Variants in LARP4B observed in about 807,000 individuals in gnomAD.
The protein encoded by LARP4B is La ribonucleoprotein 4B, also known as la-related protein 4B.
A neutral mutation model predicts 89.8 loss-of-function variants in LARP4B; 12 were observed. The ratio of observed to expected loss-of-function variants is 0.13; its 90% confidence interval spans 0.09 to 0.22. The LOEUF is 0.22. LARP4B is among the 10% of genes least tolerant of loss of function. The probability of loss-of-function intolerance (pLI) is 1.00; values close to 1 mark genes in which losing one functional copy is unlikely to be tolerated. For synonymous variants in LARP4B, 367 were observed against 363.3 expected (o/e 1.01, Z -0.12); for missense variants, 757 against 947.7 (o/e 0.80, Z 2.64).
Position 875,274 on chromosome 10 carries a change from T to TGAGA in LARP4B, c.141+9172_141+9173insTCTC, listed in dbSNP as rs545745085. On this transcript the variant is annotated intron_variant, in intron 3 of 17. Coordinates refer to ENST00000316157, the MANE Select transcript of LARP4B (RefSeq NM_015155.3). ...ATTTAACCTCTTTGTCTCAGTTTTCTCATTTGTAAAATGGAGCCAACACCG... is the reference window on the plus strand; with the variant it reads ...ATTTAACCTCTTTGTCTCAGTTTTCTGAGACATTTGTAAAATGGAGCCAACACCG... 2.6e-4 allele frequency among the ~76,000 whole-genome samples: 40 copies of TGAGA among 152,332 alleles called. No individual in the cohort carries two copies. The South Asian group carries it at 3.7e-3, about 14-fold the overall frequency.
chr10:924,937 T>C (rs1248125150), intron 1 of LARP4B, among the ~76,000 whole-genome samples: 6 of 152,236 alleles, frequency 3.9e-5, no homozygotes, highest in Non-Finnish European at 8.8e-5. Context: ...AGGTTCATAC[T>C]GAGGAGCAAA....
intron 3 of LARP4B, among the ~76,000 whole-genome samples, chr10:864,736 C>T (rs548592374): frequency 4.6e-5 from 7 of 152,306 alleles, no homozygotes; most frequent in African/African-American, 1.7e-4. Context: ...GGCGGATCAC[C>T]TGAGGCCAGG....
chr10:856,303 C>A (rs1160550816), intron 5 of LARP4B, among the ~76,000 whole-genome samples: 2 of 152,094 alleles, frequency 1.3e-5, no homozygotes, highest in Non-Finnish European at 1.5e-5. Context: ...AGAAAATGCA[C>A]AAACAGGCAC....
At chr10:818,031 T>G in intron 14 of LARP4B, 142 bp from the exon 15 acceptor site, 1 of 773,166 alleles carries the variant, frequency 1.3e-6, no homozygotes, top group Non-Finnish European at 2.0e-6. Context: ...CAATTGAAGG[T>G]TCTCCCAAGC....
At chr10:904,005 T>C (rs898216149) in intron 1 of LARP4B, among the ~76,000 whole-genome samples, 3 of 152,164 alleles carry the variant, frequency 2.0e-5, no homozygotes, top group Non-Finnish European at 2.9e-5. Context: ...ACTGACAGAA[T>C]ACAAGCTGAG....
chr10:931,108 G>A (rs1481608542), intron 1 of LARP4B, among the ~76,000 whole-genome samples: 1 of 150,352 alleles, frequency 6.7e-6, no homozygotes, highest in Non-Finnish European at 1.5e-5. Flanking sequence ...CCTAAGCCCC[G>A]GCCCCGGCCT....
At chr10:886,726 T>C (rs1002412395) in intron 1 of LARP4B, among the ~76,000 whole-genome samples, 5 of 152,142 alleles carry the variant, frequency 3.3e-5, no homozygotes, top group Non-Finnish European at 7.3e-5. Flanking sequence ...AAAACACAAA[T>C]ACTGCATGAT....
chr10:863,015 C>T (rs944533999), intron 5 of LARP4B, among the ~76,000 whole-genome samples: 1 of 152,182 alleles, frequency 6.6e-6, no homozygotes, highest in African/African-American at 2.4e-5. Context: ...TTATTTTCTT[C>T]ATGTCACTCA....
chr10:878,450 T>C (rs1835541755), intron 3 of LARP4B, among the ~76,000 whole-genome samples: 1 of 152,212 alleles, frequency 6.6e-6, no homozygotes, highest in Non-Finnish European at 1.5e-5. Flanking sequence ...ATGTATCTCA[T>C]CTACACAAGT....
chr10:968,741 G>A, the LARP4B span, among the ~76,000 whole-genome samples: 41 of 152,372 alleles, frequency 2.7e-4, no homozygotes, highest in African/African-American at 9.4e-4. Context: ...ACATCGGGAG[G>A]AAATGCCATC....
the LARP4B span, among the ~76,000 whole-genome samples, chr10:943,157 G>T: frequency 6.6e-6 from 1 of 152,114 alleles, no homozygotes; most frequent in Non-Finnish European, 1.5e-5. Flanking sequence ...ATGTTGCCCA[G>T]GTTGGTCTTG....
chr10:828,147 A>G (rs1039659509), intron 11 of LARP4B, among the ~76,000 whole-genome samples: 3 of 152,156 alleles, frequency 2.0e-5, no homozygotes, highest in African/African-American at 7.2e-5. Context: ...CAGGACAGCT[A>G]AGCACCTGCG....
chr10:885,526 T>G (rs1835829056), intron 2 of LARP4B, 115 bp downstream of exon 2: 2 of 665,360 alleles, frequency 3.0e-6, no homozygotes, highest in Non-Finnish European at 2.5e-6. Context: ...AATATCTGTA[T>G]GCAGATCCTA....
chr10:843,939 T>C (rs1470588042), intron 6 of LARP4B, among the ~76,000 whole-genome samples: 1 of 152,208 alleles, frequency 6.6e-6, no homozygotes, highest in African/African-American at 2.4e-5. Flanking sequence ...GTTTGGGCCA[T>C]GATGAGCTAT....
the LARP4B span, among the ~76,000 whole-genome samples, chr10:978,269 T>G: frequency 2.0e-5 from 3 of 152,234 alleles, no homozygotes; most frequent in African/African-American, 7.2e-5. Flanking sequence ...TCGTTAACTT[T>G]CAGGTAGAAT....
At chr10:891,718 T>C (rs1448563116) in intron 1 of LARP4B, among the ~76,000 whole-genome samples, 1 of 152,238 alleles carries the variant, frequency 6.6e-6, no homozygotes, top group Non-Finnish European at 1.5e-5. Context: ...TTGAACACTC[T>C]GCATCCTACC....
chr10:809,924 G>A lies in LARP4B; in HGVS notation c.*3002C>T, dbSNP rs1325801455. On this transcript the variant is annotated 3_prime_UTR_variant, in exon 18 of 18. Coordinates refer to ENST00000316157, the MANE Select transcript of LARP4B (RefSeq NM_015155.3). ...TAATATAGCAACGCAGGACGTTTAC[G>A]GCCACCCGCCAGTGACAGCCGGTGA... 1.3e-5 allele frequency: 2 copies of A among 152,308 alleles called. No homozygotes were observed. The highest frequency in any genetic ancestry group is 4.8e-5 in the African/African-American group (2 of 41,570). 9.4% of individuals were successfully genotyped at this position (152,308 alleles called of 1,614,324 possible).
intron 5 of LARP4B, among the ~76,000 whole-genome samples, chr10:862,874 G>A (rs1183094868): frequency 6.6e-6 from 1 of 152,062 alleles, no homozygotes; most frequent in East Asian, 1.9e-4. Flanking sequence ...CCGTTTTTTA[G>A]CCACTACTAC....
At chr10:853,142 G>C (rs965295853) in intron 5 of LARP4B, among the ~76,000 whole-genome samples, 5 of 152,124 alleles carry the variant, frequency 3.3e-5, no homozygotes, top group African/African-American at 1.2e-4. Context: ...AAGTAACTAT[G>C]AAAAACAGAG....
Sources: gnomAD v4.1 joint callset for allele counts (sites outside exome capture counted in the v4.1 genomes callset) on GRCh38, gnomAD v4.1.1 for gene constraint, MANE v1.5 for transcripts, NCBI Gene and HGNC (gene_info 2026-07-23, HGNC 2026-07-21) for gene names.